Variants in TENM4 observed in about 807,000 individuals in gnomAD.
TENM4 encodes the protein teneurin-4.
A neutral mutation model predicts 243.3 loss-of-function variants in TENM4; 82 were observed. That is an observed-to-expected ratio of 0.34 (90% CI 0.28 to 0.40). TENM4 has a LOEUF of 0.40. TENM4 is among the 10% of genes least tolerant of loss of function. The pLI is 1.00. For synonymous variants in TENM4, 1,412 were observed against 1,456.3 expected, an observed-to-expected ratio of 0.97 and a Z score of 0.69; for missense variants, 3,138 against 3,673.3, an observed-to-expected ratio of 0.85 and a Z score of 3.77.
chr11:79,004,825 T>C (rs1858434753), intron 6 of TENM4, among the ~76,000 whole-genome samples: 1 of 148,750 alleles, frequency 6.7e-6, no homozygotes, highest in Non-Finnish European at 1.5e-5. Context: ...GGTTTTTTGA[T>C]ACAAGTAAGA....
chr11:78,982,131 G>T (rs1857810552), intron 6 of TENM4, among the ~76,000 whole-genome samples: 1 of 152,088 alleles, frequency 6.6e-6, no homozygotes, highest in Non-Finnish European at 1.5e-5. Flanking sequence ...GCAGGGAGAG[G>T]GTGGCATCCT....
chr11:79,039,863 T>C (rs1211389189), intron 6 of TENM4, among the ~76,000 whole-genome samples: 1 of 152,022 alleles, frequency 6.6e-6, no homozygotes, highest in Non-Finnish European at 1.5e-5. Flanking sequence ...TGAAATGAGA[T>C]GGAAACGTAT....
At chr11:79,222,387 TTTTTCATCCAGTC>T (rs1002390522) in intron 2 of TENM4, among the ~76,000 whole-genome samples, 9 of 152,250 alleles carry the variant, frequency 5.9e-5, no homozygotes, top group African/African-American at 2.2e-4. Flanking sequence ...TACAACATTT[TTTTTCATCCAGTC>T]TATCATTGAT....
chr11:79,160,416 C>A (rs757144475), intron 3 of TENM4, among the ~76,000 whole-genome samples: 1 of 152,112 alleles, frequency 6.6e-6, no homozygotes, highest in Non-Finnish European at 1.5e-5. Flanking sequence ...TTCCAGAACA[C>A]AGGGTATTCC....
Position 79,157,152 on chromosome 11 carries a change from G to T in TENM4, c.-162-8346C>A, listed in dbSNP as rs138387968. ...AGCTCCCCAGTTAGTAGCAGTGCAG[G>T]ACACAGAGCCCAGGACTATACGACA... On this transcript the variant is annotated intron_variant, in intron 3 of 33. Coordinates refer to ENST00000278550, the MANE Select transcript of TENM4 (RefSeq NM_001098816.3). 5.3e-3 allele frequency among the ~76,000 whole-genome samples: 811 copies of T among 152,178 alleles called. 12 individuals are homozygous for T. The highest frequency in any genetic ancestry group is 0.019 in the African/African-American group (774 of 41,498).
chr11:79,308,648 A>G (rs1340579679), intron 1 of TENM4, among the ~76,000 whole-genome samples: 1 of 152,182 alleles, frequency 6.6e-6, no homozygotes, highest in Admixed American at 6.5e-5. Context: ...ACAGAAGAGG[A>G]AACTTGAACT....
chr11:79,302,725 A>G (rs948562420), intron 1 of TENM4, among the ~76,000 whole-genome samples: 2 of 152,144 alleles, frequency 1.3e-5, no homozygotes, highest in Non-Finnish European at 2.9e-5. Context: ...CATTTAGTTC[A>G]CCGAATTAAC....
At chr11:79,219,189 G>T (rs1278804194) in intron 2 of TENM4, among the ~76,000 whole-genome samples, 1 of 152,188 alleles carries the variant, frequency 6.6e-6, no homozygotes, top group Non-Finnish European at 1.5e-5. Flanking sequence ...AGGGAGGAGA[G>T]GCATGGGAGG....
intron 5 of TENM4, 63 bp from the exon 6 acceptor site, chr11:79,065,070 C>A: frequency 7.0e-7 from 1 of 1,430,412 alleles, no homozygotes; most frequent in South Asian, 1.6e-5. Flanking sequence ...CTGCCTCTGC[C>A]TGAAGCCTGG....
intron 15 of TENM4, among the ~76,000 whole-genome samples, chr11:78,793,788 G>T (rs1382704520): frequency 2.6e-5 from 4 of 152,214 alleles, no homozygotes; most frequent in African/African-American, 7.2e-5. Context: ...GAGACATTAA[G>T]TGCTCAAAGG....
At chr11:78,688,255 T>A (rs776084355) in intron 28 of TENM4, 29 bp from the exon 29 acceptor site, 4 of 1,601,134 alleles carry the variant, frequency 2.5e-6, no homozygotes, top group Admixed American at 3.4e-5. Context: ...CACTGAGTAG[T>A]AGAAATATAA....
chr11:79,202,796 C>A (rs780243080), intron 3 of TENM4, among the ~76,000 whole-genome samples: 2 of 152,166 alleles, frequency 1.3e-5, no homozygotes, highest in Admixed American at 1.3e-4. Flanking sequence ...GTGCTCATGG[C>A]AGTTCTAGGT....
chr11:79,388,343 T>C (rs1053392628), intron 1 of TENM4, among the ~76,000 whole-genome samples: 4 of 152,214 alleles, frequency 2.6e-5, no homozygotes, highest in Admixed American at 2.0e-4. Context: ...AGCAGCAAAA[T>C]TCTTCACAGA....
In TENM4 at chr11:78,732,461, G is replaced by C. The variant is rs751990098; in HGVS notation, c.2993C>G (p.Thr998Ser). 1 of 1,613,802 alleles carries C rather than the reference G, an allele frequency of 6.2e-7. No individual in the cohort carries two copies. ...ATTCTCCTCATGTCTCATGATGATG[G>C]TTTCCATGACAAAGAAGCGATCCCA... ...LPWDRFFVME[T>S]IIMRHEENEI... The change falls in exon 21 of 34, where the codon ACC becomes AGC. Residue 998 changes from threonine to serine, a missense_variant. Thr to Ser is a moderately conservative substitution (Grantham distance 58). This residue lies in a region of TENM4 where 2,467 missense variants were observed against 3,059.1 expected (regional missense o/e 0.81). Coordinates refer to ENST00000278550, the MANE Select transcript of TENM4 (RefSeq NM_001098816.3).
intron 6 of TENM4, among the ~76,000 whole-genome samples, chr11:78,951,618 G>A (rs968727450): frequency 6.6e-6 from 1 of 152,192 alleles, no homozygotes; most frequent in Admixed American, 6.5e-5. Context: ...CTCTCTTCGT[G>A]GCTTGTAGAT....
At chr11:79,121,180 CTTGTTTACATAGGCTT>C in intron 4 of TENM4, among the ~76,000 whole-genome samples, 1 of 14,650 alleles carries the variant, frequency 6.8e-5, no homozygotes, top group Admixed American at 6.8e-4. Flanking sequence ...TTCTAGTTTT[CTTGTTTACATAGGCTT>C]TCTTGTTTAC....
intron 6 of TENM4, among the ~76,000 whole-genome samples, chr11:78,949,313 T>C (rs558430598): frequency 6.6e-6 from 1 of 152,310 alleles, no homozygotes; most frequent in Admixed American, 6.5e-5. Context: ...GTCTTATATA[T>C]GTCAGTACTC....
At chr11:78,916,089 TCAAACA>T (rs1490808204) in intron 6 of TENM4, among the ~76,000 whole-genome samples, 1 of 152,184 alleles carries the variant, frequency 6.6e-6, no homozygotes, top group Non-Finnish European at 1.5e-5. Flanking sequence ...CAAACCTCAT[TCAAACA>T]GCACAGTGGC....
rs76676233 is a variant in TENM4, at chr11:79,317,988, C to T, written c.-320-20445G>A. On this transcript the variant is annotated intron_variant, in intron 1 of 33. Transcript: ENST00000278550. ...CCAAAATGACATGTGTTTCTCTATT[C>T]AGCCAGTGATTGTAAGAAACAGCCT... Among the ~76,000 whole-genome samples the T allele has an allele frequency of 4.4e-3, 673 of 152,274 alleles. 8 individuals carry two copies. Among genetic ancestry groups the T allele is most frequent in the African/African-American group, 0.015 (605 of 41,550 alleles).
Sources: gnomAD v4.1 joint callset for allele counts (sites outside exome capture counted in the v4.1 genomes callset) on GRCh38, gnomAD v4.1.1 for gene constraint, gnomAD v4.1.1 regional missense constraint, MANE v1.5 for transcripts, NCBI Gene and HGNC (gene_info 2026-07-23, HGNC 2026-07-21) for gene names.